The following HERC3 variants were observed in gnomAD, a reference collection of about 807,000 sequenced individuals.
HERC3 encodes the protein probable E3 ubiquitin-protein ligase HERC3.
In HERC3, 58 loss-of-function variants were observed where a neutral mutation model predicts 129.9. The observed-to-expected ratio is 0.45, with a 90% CI of 0.36 to 0.56. The LOEUF is 0.56. Among genes scored for constraint, HERC3 ranks in the 20% least tolerant of loss-of-function variants. The pLI is 0.00. For synonymous variants in HERC3, 430 were observed against 451.0 expected (o/e 0.95, Z 0.59); for missense variants, 835 against 1,244.2 (o/e 0.67, Z 4.95).
At chr4:88,627,915 A>G (rs1292815816) in intron 3 of HERC3, among the ~76,000 whole-genome samples, 1 of 151,768 alleles carries the variant, frequency 6.6e-6, no homozygotes, top group Non-Finnish European at 1.5e-5. Flanking sequence ...AAAAAAAAAA[A>G]AAAAAAAAAA....
At chr4:88,658,617 T>G in intron 10 of HERC3, 126 bp downstream of exon 10, 1 of 489,504 alleles carries the variant, frequency 2.0e-6, no homozygotes, top group Non-Finnish European at 3.6e-6. Flanking sequence ...ATGTTATTTT[T>G]AAAATAAGCA....
At chr4:88,547,231 G>A in the HERC3 span, among the ~76,000 whole-genome samples, 1 of 151,934 alleles carries the variant, frequency 6.6e-6, no homozygotes, top group African/African-American at 2.4e-5. Context: ...CTGGAGTATT[G>A]GTATAAGAAT....
chr4:88,542,349 G>T, the HERC3 span, among the ~76,000 whole-genome samples: 1 of 152,110 alleles, frequency 6.6e-6, no homozygotes, highest in Admixed American at 6.5e-5. Flanking sequence ...TACGAGAAAT[G>T]GATACATTCC....
At chr4:88,702,353 G>T (rs891124267) in intron 23 of HERC3, among the ~76,000 whole-genome samples, 1 of 152,170 alleles carries the variant, frequency 6.6e-6, no homozygotes, top group Non-Finnish European at 1.5e-5. Flanking sequence ...TACAAATGAG[G>T]ACACAGGCAT....
chr4:88,537,047 A>G, the HERC3 span, among the ~76,000 whole-genome samples: 1 of 152,240 alleles, frequency 6.6e-6, no homozygotes, highest in East Asian at 1.9e-4. Flanking sequence ...AGGTTCATTT[A>G]CACTTTAACA....
At chr4:88,599,484 C>A (rs565439182) in intron 2 of HERC3, among the ~76,000 whole-genome samples, 1 of 151,834 alleles carries the variant, frequency 6.6e-6, no homozygotes, top group South Asian at 2.1e-4. Context: ...TATCTTTTTT[C>A]ATAAATTGTT....
At chr4:88,666,915 A>T (rs956123450) in intron 12 of HERC3, among the ~76,000 whole-genome samples, 1 of 152,176 alleles carries the variant, frequency 6.6e-6, no homozygotes, top group Non-Finnish European at 1.5e-5. Context: ...TCAACAAGGA[A>T]GTTCTACTGT....
At chr4:88,690,195 T>C (rs1237759321) in intron 23 of HERC3, 5 of 981,858 alleles carry the variant, frequency 5.1e-6, no homozygotes, top group Non-Finnish European at 6.0e-6. Context: ...TTATATAACA[T>C]TGGTACTTTT....
the HERC3 span, among the ~76,000 whole-genome samples, chr4:88,564,105 A>AT: frequency 6.6e-6 from 1 of 152,318 alleles, no homozygotes; most frequent in South Asian, 2.1e-4. Flanking sequence ...TGATTTGTGT[A>AT]TGTAGAACCA....
chr4:88,693,780 C>CA (rs1734315534), intron 23 of HERC3: 3 of 625,842 alleles, frequency 4.8e-6, no homozygotes, highest in Admixed American at 6.3e-5. Flanking sequence ...GCGTAATACT[C>CA]AGAGAGTTGG....
At chr4:88,655,837 T>C in intron 8 of HERC3, 38 bp from the exon 9 acceptor site, 1 of 1,585,096 alleles carries the variant, frequency 6.3e-7, no homozygotes, top group East Asian at 2.2e-5. Context: ...TCCACATTAG[T>C]AGAAACTATG....
intron 3 of HERC3, among the ~76,000 whole-genome samples, chr4:88,610,423 C>T (rs1184591800): frequency 2.1e-5 from 3 of 142,476 alleles, no homozygotes; most frequent in Non-Finnish European, 4.5e-5. Flanking sequence ...ACTGGCACTC[C>T]AGCCTGGGGG....
chr4:88,680,613 A>G (rs903654033), intron 20 of HERC3, among the ~76,000 whole-genome samples: 1 of 152,192 alleles, frequency 6.6e-6, no homozygotes, highest in Non-Finnish European at 1.5e-5. Flanking sequence ...TTTATTTTTG[A>G]AACTTCAGTA....
the HERC3 span, among the ~76,000 whole-genome samples, chr4:88,537,221 G>A: frequency 6.6e-6 from 1 of 152,062 alleles, no homozygotes; most frequent in Admixed American, 6.6e-5. Context: ...AAAGGAAAAG[G>A]ATTTCTGGTC....
At chr4:88,644,831 C>T (rs913890694) in intron 3 of HERC3, among the ~76,000 whole-genome samples, 1 of 152,082 alleles carries the variant, frequency 6.6e-6, no homozygotes, top group African/African-American at 2.4e-5. Context: ...GATAGAAAAT[C>T]TCTTATGGAA....
At chr4:88,596,933 A>G (rs184010346) in intron 2 of HERC3, among the ~76,000 whole-genome samples, 44 of 152,368 alleles carry the variant, frequency 2.9e-4, no homozygotes, top group Admixed American at 2.8e-3. Flanking sequence ...GTAAAAATGC[A>G]TCATACTCTG....
intron 2 of HERC3, among the ~76,000 whole-genome samples, chr4:88,595,937 C>T (rs1158102758): frequency 4.0e-5 from 6 of 150,938 alleles, no homozygotes; most frequent in Non-Finnish European, 8.9e-5. Context: ...CAGGCTCCGC[C>T]CCCCGGGGTT....
chr4:88,653,164 C>T, intron 6 of HERC3, 74 bp downstream of exon 6: 1 of 1,415,932 alleles, frequency 7.1e-7, no homozygotes. Flanking sequence ...TGAGGATCTA[C>T]TATGTGCTAG....
intron 2 of HERC3, among the ~76,000 whole-genome samples, chr4:88,604,266 G>A (rs916390666): frequency 3.3e-5 from 5 of 152,156 alleles, no homozygotes; most frequent in African/African-American, 1.2e-4. Flanking sequence ...TGGTCCGCCC[G>A]CCTTGACCTC....
Sources: allele counts gnomAD v4.1 joint callset (sites outside exome capture counted in the v4.1 genomes callset), GRCh38; gene constraint gnomAD v4.1.1; transcripts MANE v1.5; gene names NCBI Gene and HGNC (gene_info 2026-07-23, HGNC 2026-07-21).